The following IFT52 variants were observed in gnomAD, a reference collection of about 807,000 sequenced individuals.
The protein encoded by IFT52 is intraflagellar transport 52.
In IFT52, 44 loss-of-function variants were observed where a neutral mutation model predicts 54.4. The observed-to-expected ratio is 0.81, with a 90% confidence interval of 0.63 to 1.04. The LOEUF is 1.04. Ranked by LOEUF, IFT52 falls within the 50% of genes least tolerant of loss-of-function variation. The pLI, the probability that IFT52 is intolerant of heterozygous loss-of-function variation, is 0.00. For synonymous variants in IFT52, 181 were observed against 185.3 expected (o/e 0.98, Z 0.19); for missense variants, 452 against 523.6 (o/e 0.86, Z 1.33).
chr20:43,620,796 T>C, intron 8 of IFT52, 61 bp from the exon 9 acceptor site: 1 of 1,203,052 alleles, frequency 8.3e-7, no homozygotes. Context: ...TCTCTAGTCC[T>C]GACCTTCAGC....
intron 12 of IFT52, among the ~76,000 whole-genome samples, chr20:43,641,051 AAAAGG>A (rs1985882511): frequency 1.7e-5 from 2 of 115,746 alleles, no homozygotes; most frequent in Admixed American, 9.1e-5. Flanking sequence ...AAAAAAAAAA[AAAAGG>A]AAGAAAGAAA....
chr20:43,622,285 A>G (rs1984356977), intron 9 of IFT52, among the ~76,000 whole-genome samples: 1 of 152,160 alleles, frequency 6.6e-6, no homozygotes, highest in Non-Finnish European at 1.5e-5. Flanking sequence ...ATTTTGCTTC[A>G]TTATTTAAGT....
chr20:43,612,148 G>T (rs753369794), intron 6 of IFT52, among the ~76,000 whole-genome samples: 1 of 152,068 alleles, frequency 6.6e-6, no homozygotes, highest in Non-Finnish European at 1.5e-5. Context: ...AAAATGTGGG[G>T]GATAGATGTG....
intron 6 of IFT52, among the ~76,000 whole-genome samples, chr20:43,608,764 G>A (rs1321443729): frequency 6.6e-6 from 1 of 151,924 alleles, no homozygotes. Context: ...AAATTTAGCC[G>A]GTCGTTGGTG....
chr20:43,616,904 T>G (rs530584956), intron 7 of IFT52, among the ~76,000 whole-genome samples: 12 of 152,156 alleles, frequency 7.9e-5, no homozygotes, highest in African/African-American at 2.9e-4. Context: ...TCCTGGCTAC[T>G]TGGGAGGCTG....
intron 12 of IFT52, among the ~76,000 whole-genome samples, chr20:43,637,853 T>C (rs978083393): frequency 1.3e-5 from 2 of 152,194 alleles, no homozygotes; most frequent in Admixed American, 1.3e-4. Context: ...AGAATTAATC[T>C]TGACCCTGGC....
At chr20:43,611,958 A>G (rs2145617357) in intron 6 of IFT52, among the ~76,000 whole-genome samples, 1 of 152,124 alleles carries the variant, frequency 6.6e-6, no homozygotes, top group Admixed American at 6.6e-5. Context: ...TGAACCCAGG[A>G]GGCAGAGGTT....
intron 10 of IFT52, among the ~76,000 whole-genome samples, chr20:43,627,275 A>G (rs1984800566): frequency 6.6e-6 from 1 of 152,220 alleles, no homozygotes; most frequent in Admixed American, 6.5e-5. Context: ...CTGAGAGCCA[A>G]GCAAAGAAAG....
rs1985505679 is a variant in IFT52, at chr20:43,635,965, G to A, written c.963G>A (p.Gln321=). ...TAAATGTGAAACATGAACCACTCCAGCTCATCCAGCCTCAGTTTGAGACGC... is the reference window on the plus strand; with the variant it reads ...TAAATGTGAAACATGAACCACTCCAACTCATCCAGCCTCAGTTTGAGACGC... ...EQLNVKHEPL[Q]LIQPQFETPL... The change falls in exon 11 of 14, where the codon CAG becomes CAA. Residue 321 remains glutamine (Q), a synonymous_variant. Coordinates refer to ENST00000373030, the MANE Select transcript of IFT52 (RefSeq NM_016004.5). 2 of 1,614,180 alleles carry A rather than the reference G, an allele frequency of 1.2e-6. 1 individual carries two copies. The highest frequency in any genetic ancestry group is 1.7e-6 in the Non-Finnish European group (2 of 1,180,024).
chr20:43,621,892 C>A (rs1399188696), intron 9 of IFT52, among the ~76,000 whole-genome samples: 1 of 152,150 alleles, frequency 6.6e-6, no homozygotes. Flanking sequence ...CCACATAAGT[C>A]ATCTTATTTA....
rs1014798575 is a variant in IFT52 at position 43,610,887 on chromosome 20, C to T, written c.486-2963C>T. ...TCCCTCTCTTACTTGCCAAGGGTGA[C>T]CCAAGGCATAGTAACTGTTAGTGTC... is the stretch of plus-strand genomic sequence containing the variant. On this transcript the variant is annotated intron_variant, in intron 6 of 13. Transcript: ENST00000373030. 4.6e-5 allele frequency among the ~76,000 whole-genome samples: 7 copies of T among 152,276 alleles called. No homozygotes were observed. In the East Asian group the frequency reaches 5.8e-4, roughly 13 times the overall value.
chr20:43,592,349 A>G (rs962180184), intron 1 of IFT52, among the ~76,000 whole-genome samples: 7 of 151,958 alleles, frequency 4.6e-5, no homozygotes, highest in African/African-American at 1.7e-4. Flanking sequence ...GAAAAAAAAA[A>G]GGAATGAAGC....
In IFT52 at chr20:43,605,076, G is replaced by T. The variant is rs1355591292; in HGVS notation, c.485+3G>T. The T allele has an allele frequency of 3.3e-5, 53 of 1,613,126 alleles. No homozygotes were observed. The highest frequency in any genetic ancestry group is 4.4e-5 in the Non-Finnish European group (52 of 1,179,732). ...GAAAGCAGTGGAAACAATGCCCAGTGAGTGTGTTTTCTGATGCCACATGAG... is the reference window on the plus strand; with the variant it reads ...GAAAGCAGTGGAAACAATGCCCAGTTAGTGTGTTTTCTGATGCCACATGAG... On this transcript the variant is annotated splice_donor_region_variant and intron_variant, in intron 6 of 13. Coordinates refer to ENST00000373030, the MANE Select transcript of IFT52 (RefSeq NM_016004.5).
chr20:43,600,236 A>G (rs1021258983), intron 3 of IFT52, among the ~76,000 whole-genome samples: 3 of 152,276 alleles, frequency 2.0e-5, no homozygotes, highest in Middle Eastern at 3.4e-3. Context: ...GGCAATTCAA[A>G]TCATGAGCCG....
rs528794791 is a variant in IFT52 at position 43,597,633 on chromosome 20, C to T, written c.207+1111C>T. Among the ~76,000 whole-genome samples, 8 of 152,210 alleles carry T rather than the reference C, an allele frequency of 5.3e-5. No individual in the cohort carries two copies. In the South Asian group the frequency reaches 1.5e-3, roughly 28 times the overall value. ...TGATGGCTGTGTGTGGTGGCCCACG[C>T]CTGTAATCCCAGCACTTTGGGAGGC... On this transcript the variant is annotated intron_variant, in intron 3 of 13. Transcript: ENST00000373030.
chr20:43,609,815 G>C (rs1983276405), intron 6 of IFT52, among the ~76,000 whole-genome samples: 1 of 150,000 alleles, frequency 6.7e-6, no homozygotes, highest in African/African-American at 2.5e-5. Flanking sequence ...CTGTCGTGGT[G>C]GTGCATGCCT....
chr20:43,603,996 G>T, intron 4 of IFT52, 107 bp downstream of exon 4: 5 of 975,826 alleles, frequency 5.1e-6, no homozygotes, highest in Non-Finnish European at 7.8e-6. Context: ...TGGGCTGTGT[G>T]TGCGTGTTTT....
intron 10 of IFT52, among the ~76,000 whole-genome samples, chr20:43,624,853 A>G (rs556423061): frequency 1.3e-5 from 2 of 152,222 alleles, no homozygotes; most frequent in South Asian, 2.1e-4. Context: ...ACCCCCGTGT[A>G]TCCGGAGAGC....
intron 10 of IFT52, among the ~76,000 whole-genome samples, 156 bp from the exon 11 acceptor site, chr20:43,635,770 G>C (rs1160777581): frequency 1.3e-5 from 2 of 152,146 alleles, no homozygotes; most frequent in African/African-American, 4.8e-5. Context: ...ATATTCCTTT[G>C]GGTGTATACC....
Sources: gnomAD v4.1 joint callset for allele counts (sites outside exome capture counted in the v4.1 genomes callset) on GRCh38, gnomAD v4.1.1 for gene constraint, MANE v1.5 for transcripts, NCBI Gene and HGNC (gene_info 2026-07-23, HGNC 2026-07-21) for gene names.